The following DACH1 variants were observed in gnomAD, a reference collection of about 807,000 sequenced individuals.
DACH1 encodes the protein dachshund family transcription factor 1.
Under a neutral mutation model 54.2 loss-of-function variants are expected in DACH1, and 12 were observed. That is an observed-to-expected ratio of 0.22 (90% CI 0.14 to 0.36). DACH1 has a LOEUF of 0.36. Among genes scored for constraint, DACH1 ranks in the 10% least tolerant of loss-of-function variants. The pLI is 1.00. For synonymous variants in DACH1, 386 were observed against 366.2 expected, an observed-to-expected ratio of 1.05 and a Z score of -0.62; for missense variants, 805 against 929.8, an observed-to-expected ratio of 0.87 and a Z score of 1.75.
At chr13:71,818,605 C>T (rs1418552891) in intron 1 of DACH1, among the ~76,000 whole-genome samples, 1 of 152,196 alleles carries the variant, frequency 6.6e-6, no homozygotes, top group Non-Finnish European at 1.5e-5. Context: ...AAGCCACTTC[C>T]TATTTGGTCA....
intron 1 of DACH1, among the ~76,000 whole-genome samples, chr13:71,829,782 C>G (rs1888513534): frequency 6.6e-6 from 1 of 151,904 alleles, no homozygotes; most frequent in Non-Finnish European, 1.5e-5. Flanking sequence ...ATTTGTTTGT[C>G]TACCTTAACC....
At position 71,661,728 on chromosome 13, in the gene DACH1, A is replaced by G. The variant is rs183448123; in HGVS notation, c.964+20067T>C. Among the ~76,000 whole-genome samples the G allele has an allele frequency of 4.0e-4, 61 of 152,160 alleles. No homozygotes were observed. In the East Asian group the frequency reaches 0.011, roughly 28 times the overall value. ...AATAATAACTATAACATTATCCTAAATGTAAAACATCCCTGTACAACACAC... is the reference window on the plus strand; with the variant it reads ...AATAATAACTATAACATTATCCTAAGTGTAAAACATCCCTGTACAACACAC... On this transcript the variant is annotated intron_variant, in intron 2 of 10. Coordinates refer to ENST00000613252, the MANE Select transcript of DACH1 (RefSeq NM_080759.6).
In DACH1 at chr13:71,486,854, ATCTATCTG is replaced by A. The variant is rs1368955633; in HGVS notation, c.1722+2135_1722+2142del. 1.6e-3 allele frequency among the ~76,000 whole-genome samples: 200 copies of A among 127,706 alleles called. 2 individuals carry two copies. Among genetic ancestry groups the A allele is most frequent in the Non-Finnish European group, 3.0e-4 (18 of 59,654 alleles). 83.8% of individuals were successfully genotyped at this position (127,706 alleles called of 152,430 possible). On this transcript the variant is annotated intron_variant, in intron 7 of 10. Transcript: ENST00000613252. ...TATCTATCTATCTATCTATCTATCTATCTATCTGAGATGGAGTTTCACTCTTGATGCCC... is the reference window on the plus strand; with the variant it reads ...TATCTATCTATCTATCTATCTATCTAAGATGGAGTTTCACTCTTGATGCCC...
At chr13:71,720,025 TA>T (rs1223422598) in intron 1 of DACH1, among the ~76,000 whole-genome samples, 1 of 152,184 alleles carries the variant, frequency 6.6e-6, no homozygotes, top group African/African-American at 2.4e-5. Flanking sequence ...AACACATAAA[TA>T]GATGAATAAA....
chr13:71,573,651 T>TA (rs1566351708), intron 3 of DACH1: 1 of 435,902 alleles, frequency 2.3e-6, no homozygotes, highest in East Asian at 3.5e-5. Context: ...ATGAGTTTTT[T>TA]AAAAAATGTA....
Position 71,519,387 on chromosome 13 carries a change from C to T in DACH1, c.1571-30239G>A, listed in dbSNP as rs116897361. 6.2e-3 allele frequency among the ~76,000 whole-genome samples: 939 copies of T among 151,804 alleles called. 2 individuals carry two copies. The highest frequency in any genetic ancestry group is 0.01 in the Middle Eastern group (3 of 292). ...CTGTTGGTAAATTTGTGGCTATAGGCTGCAGAGATGATTGATGATGATGAA... is the reference window on the plus strand; with the variant it reads ...CTGTTGGTAAATTTGTGGCTATAGGTTGCAGAGATGATTGATGATGATGAA... On this transcript the variant is annotated intron_variant, in intron 6 of 10. Coordinates refer to ENST00000613252, the MANE Select transcript of DACH1 (RefSeq NM_080759.6).
At chr13:71,468,944 G>C (rs377664251) in intron 10 of DACH1, among the ~76,000 whole-genome samples, 1 of 152,136 alleles carries the variant, frequency 6.6e-6, no homozygotes, top group South Asian at 2.1e-4. Context: ...TATATCATTC[G>C]TTGGCAGTAC....
At chr13:71,687,570 TTC>T (rs1284064939) in intron 1 of DACH1, among the ~76,000 whole-genome samples, 3 of 152,212 alleles carry the variant, frequency 2.0e-5, no homozygotes, top group African/African-American at 7.2e-5. Context: ...AGATTTTCGT[TTC>T]TCTGTCATAA....
At chr13:71,819,528 C>T (rs1240701316) in intron 1 of DACH1, among the ~76,000 whole-genome samples, 1 of 152,112 alleles carries the variant, frequency 6.6e-6, no homozygotes, top group East Asian at 1.9e-4. Context: ...ATTTCATGGT[C>T]ATGGTATCAC....
At chr13:71,647,695 G>C (rs947420240) in intron 2 of DACH1, among the ~76,000 whole-genome samples, 1 of 152,054 alleles carries the variant, frequency 6.6e-6, no homozygotes, top group African/African-American at 2.4e-5. Context: ...AGAAACAATG[G>C]GAATACCTGA....
intron 3 of DACH1, among the ~76,000 whole-genome samples, chr13:71,614,500 G>A (rs1382677329): frequency 6.6e-6 from 1 of 151,962 alleles, no homozygotes. Flanking sequence ...ATATGATGGG[G>A]AAAAGTGACA....
chr13:71,451,071 C>T (rs544088270), intron 10 of DACH1, among the ~76,000 whole-genome samples: 1 of 152,044 alleles, frequency 6.6e-6, no homozygotes, highest in African/African-American at 2.4e-5. Context: ...TCATCATCAT[C>T]GTCAACTATC....
At chr13:71,812,401 G>T (rs1022730643) in intron 1 of DACH1, among the ~76,000 whole-genome samples, 2 of 152,032 alleles carry the variant, frequency 1.3e-5, no homozygotes, top group Non-Finnish European at 2.9e-5. Context: ...ACTCTTAAAA[G>T]AATTATATTC....
chr13:71,782,593 T>A (rs1458786410), intron 1 of DACH1, among the ~76,000 whole-genome samples: 1 of 152,156 alleles, frequency 6.6e-6, no homozygotes, highest in Non-Finnish European at 1.5e-5. Context: ...TGTGTTAAAG[T>A]GAATAGTTTC....
chr13:71,440,339 C>G lies in DACH1; in HGVS notation c.*316G>C, dbSNP rs533692536. ...AATGGTTCATTCCATTAGAAAAAAA[C>G]AAAGCTAGGTCTTATTCAGACCTGC... On this transcript the variant is annotated 3_prime_UTR_variant, in exon 11 of 11. Transcript: ENST00000613252. 4.5e-6 allele frequency: 1 copy of G among 220,540 alleles called. No individual in the cohort carries two copies. The highest frequency in any genetic ancestry group is 9.0e-5 in the South Asian group (1 of 11,094). 13.7% of individuals were successfully genotyped at this position (220,540 alleles called of 1,614,324 possible).
At chr13:71,598,021 A>G (rs1874226944) in intron 3 of DACH1, among the ~76,000 whole-genome samples, 1 of 151,278 alleles carries the variant, frequency 6.6e-6, no homozygotes, top group Non-Finnish European at 1.5e-5. Flanking sequence ...CAGAGGTTAC[A>G]GTGAGCCCAG....
intron 1 of DACH1, among the ~76,000 whole-genome samples, chr13:71,849,847 TTTTG>T (rs1873544465): frequency 6.6e-6 from 1 of 152,240 alleles, no homozygotes; most frequent in African/African-American, 2.4e-5. Flanking sequence ...AGCAGGTATT[TTTTG>T]TTTATTTAAC....
At chr13:71,807,117 C>T (rs897432522) in intron 1 of DACH1, among the ~76,000 whole-genome samples, 1 of 152,052 alleles carries the variant, frequency 6.6e-6, no homozygotes, top group Non-Finnish European at 1.5e-5. Flanking sequence ...GCAGTTCCTG[C>T]TTTTGCAGAA....
chr13:71,707,330 G>A (rs1882499244), intron 1 of DACH1, among the ~76,000 whole-genome samples: 1 of 152,204 alleles, frequency 6.6e-6, no homozygotes, highest in Non-Finnish European at 1.5e-5. Context: ...TTAATGCTCT[G>A]CTGTCAGCAT....
Sources: gnomAD v4.1 joint callset for allele counts (sites outside exome capture counted in the v4.1 genomes callset) on GRCh38, gnomAD v4.1.1 for gene constraint, MANE v1.5 for transcripts, NCBI Gene and HGNC (gene_info 2026-07-23, HGNC 2026-07-21) for gene names.